The following ATRNL1 variants were observed in gnomAD, a reference collection of about 807,000 sequenced individuals.
ATRNL1 encodes the protein attractin-like protein 1.
In ATRNL1, 95 loss-of-function variants were observed where a neutral mutation model predicts 182.7. The observed-to-expected ratio is 0.52, with a 90% CI of 0.44 to 0.62. The LOEUF (loss-of-function observed/expected upper bound fraction) is 0.62, where lower values mean the gene tolerates loss of function less well. Ranked by LOEUF, ATRNL1 falls within the 20% of genes least tolerant of loss-of-function variation. The probability of loss-of-function intolerance (pLI) is 0.00; values close to 1 mark genes in which losing one functional copy is unlikely to be tolerated. For missense variants in ATRNL1, 1,471 were observed against 1,679.5 expected (o/e 0.88, Z 2.17); for synonymous variants, 576 against 568.3 (o/e 1.01, Z -0.19).
At chr10:115,845,699 G>T (rs1187183645) in intron 27 of ATRNL1, among the ~76,000 whole-genome samples, 1 of 67,328 alleles carries the variant, frequency 1.5e-5, no homozygotes. Context: ...TTTTGCAGTC[G>T]AGTTTTTTTT....
At chr10:115,605,746 A>T (rs1592936497) in intron 26 of ATRNL1, among the ~76,000 whole-genome samples, 1 of 152,120 alleles carries the variant, frequency 6.6e-6, no homozygotes. Context: ...AGTGACTCTC[A>T]TTCATCAAAA....
intron 26 of ATRNL1, among the ~76,000 whole-genome samples, chr10:115,581,486 T>G (rs1159171723): frequency 6.6e-6 from 1 of 152,124 alleles, no homozygotes; most frequent in Non-Finnish European, 1.5e-5. Flanking sequence ...TGCATAGTTA[T>G]TGGAAGTGCA....
At position 115,453,140 on chromosome 10, in the gene ATRNL1, G is replaced by T. The variant is rs961233775; in HGVS notation, c.3323-8801G>T. ...CCATGTCTTGTCTATTGAGAATAAT[G>T]CTATAAGGAACATAGAAGTCTAGAT... On this transcript the variant is annotated intron_variant, in intron 21 of 28. Coordinates refer to ENST00000355044, the MANE Select transcript of ATRNL1 (RefSeq NM_207303.4). 4.6e-5 allele frequency among the ~76,000 whole-genome samples: 7 copies of T among 152,202 alleles called. No individual in the cohort carries two copies. In the East Asian group the frequency reaches 9.7e-4, roughly 21 times the overall value.
chr10:115,240,598 T>C (rs1850377657), intron 9 of ATRNL1, among the ~76,000 whole-genome samples: 1 of 152,064 alleles, frequency 6.6e-6, no homozygotes, highest in Admixed American at 6.6e-5. Flanking sequence ...TTATAATCCA[T>C]GGTTTTGGAG....
chr10:115,493,074 A>C (rs1849385185), intron 24 of ATRNL1, among the ~76,000 whole-genome samples: 1 of 152,230 alleles, frequency 6.6e-6, no homozygotes, highest in South Asian at 2.1e-4. Context: ...TAAAATAAAA[A>C]ATAATCTTTT....
At chr10:115,756,423 C>G (rs1948592082) in intron 27 of ATRNL1, among the ~76,000 whole-genome samples, 1 of 152,132 alleles carries the variant, frequency 6.6e-6, no homozygotes, top group Non-Finnish European at 1.5e-5. Flanking sequence ...CATTACTTAT[C>G]CACTAGTCAT....
intron 24 of ATRNL1, among the ~76,000 whole-genome samples, chr10:115,479,232 C>T: frequency 6.6e-6 from 1 of 151,334 alleles, no homozygotes; most frequent in Non-Finnish European, 1.5e-5. Flanking sequence ...TTTTACTGTT[C>T]CTAAATTATA....
At chr10:115,616,800 C>G (rs530583768) in intron 26 of ATRNL1, among the ~76,000 whole-genome samples, 2 of 152,334 alleles carry the variant, frequency 1.3e-5, no homozygotes, top group East Asian at 3.9e-4. Context: ...AGATTTGAGG[C>G]TAGAGAACCT....
chr10:115,808,207 G>A (rs1949966286), intron 27 of ATRNL1, among the ~76,000 whole-genome samples: 1 of 152,108 alleles, frequency 6.6e-6, no homozygotes, highest in African/African-American at 2.4e-5. Context: ...TAAGTGGACT[G>A]GAGTGAGAAA....
At chr10:115,877,579 A>T (rs1316641925) in intron 28 of ATRNL1, among the ~76,000 whole-genome samples, 3 of 152,240 alleles carry the variant, frequency 2.0e-5, no homozygotes, top group African/African-American at 7.2e-5. Context: ...ATAAATGGGT[A>T]AAGTACACTG....
chr10:115,104,672 T>G lies in ATRNL1; in HGVS notation c.293+10629T>G, dbSNP rs533995397. ...CCAATGTTGTAGTAGTTTCATAGTT[T>G]GAGGTCTTAGATTTCTAAGTCTTTA... On this transcript the variant is annotated intron_variant, in intron 1 of 28. Coordinates refer to ENST00000355044, the MANE Select transcript of ATRNL1 (RefSeq NM_207303.4). 2.6e-5 allele frequency among the ~76,000 whole-genome samples: 4 copies of G among 152,274 alleles called. No homozygotes were observed. In the East Asian group the frequency reaches 5.8e-4, roughly 22 times the overall value.
chr10:115,359,785 C>A (rs1393603260), intron 19 of ATRNL1, among the ~76,000 whole-genome samples: 2 of 151,446 alleles, frequency 1.3e-5, no homozygotes, highest in East Asian at 3.9e-4. Flanking sequence ...CTTTTCAGAG[C>A]TTAACTATCT....
intron 25 of ATRNL1, among the ~76,000 whole-genome samples, chr10:115,532,765 T>C (rs1341065131): frequency 6.6e-6 from 1 of 151,792 alleles, no homozygotes; most frequent in Non-Finnish European, 1.5e-5. Flanking sequence ...TGTGGGTTTG[T>C]CATAGATAGC....
chr10:115,768,458 A>T (rs886623127), intron 27 of ATRNL1, among the ~76,000 whole-genome samples: 1 of 152,112 alleles, frequency 6.6e-6, no homozygotes, highest in African/African-American at 2.4e-5. Context: ...ATGTAATTTG[A>T]TACCTAATTA....
chr10:115,255,641 C>G (rs1851091649), intron 10 of ATRNL1, among the ~76,000 whole-genome samples: 1 of 152,174 alleles, frequency 6.6e-6, no homozygotes, highest in Non-Finnish European at 1.5e-5. Flanking sequence ...CTTTCTCTTG[C>G]TTGATTGCCC....
chr10:115,836,467 T>A (rs1950674490), intron 27 of ATRNL1, among the ~76,000 whole-genome samples: 1 of 152,182 alleles, frequency 6.6e-6, no homozygotes, highest in African/African-American at 2.4e-5. Context: ...AAGTCTGGAA[T>A]GAAGGTGTTG....
Position 115,742,817 on chromosome 10 carries a change from T to C in ATRNL1, c.3903+15462T>C, listed in dbSNP as rs77462855. On this transcript the variant is annotated intron_variant, in intron 27 of 28. Transcript: ENST00000355044. Reference sequence around the variant, plus strand: ...GCATGCAAATCTTCTCATATCACCTTGCTCAGAATTCCCCAATGGCTTCTC... The same window carrying C: ...GCATGCAAATCTTCTCATATCACCTCGCTCAGAATTCCCCAATGGCTTCTC... Among the ~76,000 whole-genome samples, 3 of 152,220 alleles carry C rather than the reference T, an allele frequency of 2.0e-5. No individual in the cohort carries two copies. The East Asian group carries it at 5.8e-4, about 30-fold the overall frequency.
At chr10:115,516,530 T>A (rs1554983921) in intron 24 of ATRNL1, among the ~76,000 whole-genome samples, 3 of 151,934 alleles carry the variant, frequency 2.0e-5, no homozygotes, top group African/African-American at 7.2e-5. Context: ...ACAGCCAGAA[T>A]GATATTTTTC....
intron 15 of ATRNL1, among the ~76,000 whole-genome samples, chr10:115,289,823 T>C (rs11197150): frequency 0.21 from 32,040 of 152,184 alleles, 4,278 homozygotes; most frequent in Non-Finnish European, 0.3. Flanking sequence ...GTTTGATAGC[T>C]CTAGCTTTGT....
Sources: gnomAD v4.1 joint callset for allele counts (sites outside exome capture counted in the v4.1 genomes callset) on GRCh38, gnomAD v4.1.1 for gene constraint, MANE v1.5 for transcripts, NCBI Gene and HGNC (gene_info 2026-07-23, HGNC 2026-07-21) for gene names.